Variants in NXN observed in about 807,000 individuals in gnomAD.
NXN encodes nucleoredoxin, also known as nucleoredoxin 1.
A neutral mutation model predicts 48.6 loss-of-function variants in NXN; 16 were observed. That is an observed-to-expected ratio of 0.33 (90% confidence interval 0.22 to 0.50). The LOEUF is 0.50. NXN is among the 20% of genes least tolerant of loss of function. NXN has a pLI of 0.98. For synonymous variants in NXN, 281 were observed against 269.6 expected (o/e 1.04, Z -0.41); for missense variants, 492 against 605.5 (o/e 0.81, Z 1.97).
chr17:815,396 C>T (rs1912409949), intron 5 of NXN, among the ~76,000 whole-genome samples: 1 of 151,662 alleles, frequency 6.6e-6, no homozygotes, highest in Admixed American at 6.6e-5. Context: ...GTTCAGCTGA[C>T]ACCCATCCGT....
intron 4 of NXN, among the ~76,000 whole-genome samples, chr17:821,807 G>A (rs997192456): frequency 2.6e-5 from 4 of 151,966 alleles, no homozygotes; most frequent in Non-Finnish European, 4.4e-5. Context: ...GATTACATTC[G>A]TCTCTGGCTC....
chr17:930,045 C>A (rs1442414851), intron 1 of NXN: 1 of 151,592 alleles, frequency 6.6e-6, no homozygotes, highest in Non-Finnish European at 1.5e-5. Context: ...GAAGAAAGTT[C>A]CAGAATGACA....
At chr17:922,155 G>A (rs759735836) in intron 1 of NXN, among the ~76,000 whole-genome samples, 5 of 152,158 alleles carry the variant, frequency 3.3e-5, no homozygotes, top group Non-Finnish European at 1.5e-5. Context: ...AAAGCTGTAA[G>A]AATTGGCCAG....
intron 1 of NXN, among the ~76,000 whole-genome samples, chr17:851,540 C>T (rs1461973781): frequency 2.6e-5 from 4 of 152,212 alleles, no homozygotes; most frequent in African/African-American, 9.6e-5. Flanking sequence ...GCTACTTCCG[C>T]TGCACACTGG....
At chr17:884,031 A>G (rs975124822) in intron 1 of NXN, among the ~76,000 whole-genome samples, 1 of 152,086 alleles carries the variant, frequency 6.6e-6, no homozygotes, top group African/African-American at 2.4e-5. Flanking sequence ...ATCCTGGCTA[A>G]CATGGTGAAA....
intron 1 of NXN, among the ~76,000 whole-genome samples, chr17:954,813 GGCCTAGACT>G (rs1346291274): frequency 1.3e-5 from 2 of 152,234 alleles, no homozygotes; most frequent in Non-Finnish European, 2.9e-5. Flanking sequence ...GGGCCGCATC[GGCCTAGACT>G]CCCAGATTGA....
At chr17:903,697 T>C (rs1330202262) in intron 1 of NXN, among the ~76,000 whole-genome samples, 1 of 152,248 alleles carries the variant, frequency 6.6e-6, no homozygotes, top group Non-Finnish European at 1.5e-5. Flanking sequence ...CTACAAGTTC[T>C]ATACATATGG....
At chr17:938,282 G>A (rs776601831) in intron 1 of NXN, among the ~76,000 whole-genome samples, 1 of 152,240 alleles carries the variant, frequency 6.6e-6, no homozygotes, top group Non-Finnish European at 1.5e-5. Context: ...GGCCCAGGTC[G>A]GCGGTTAGAT....
At chr17:840,401 G>A (rs1418708036) in intron 1 of NXN, among the ~76,000 whole-genome samples, 1 of 151,854 alleles carries the variant, frequency 6.6e-6, no homozygotes, top group Non-Finnish European at 1.5e-5. Flanking sequence ...GTGAAGTGGC[G>A]CCATCTCGGC....
At chr17:936,125 C>T (rs1299073872) in intron 1 of NXN, among the ~76,000 whole-genome samples, 3 of 151,034 alleles carry the variant, frequency 2.0e-5, no homozygotes, top group Admixed American at 6.6e-5. Flanking sequence ...CCAGCTCCTG[C>T]TTGTGCTTCC....
chr17:900,169 G>A (rs1413631709), intron 1 of NXN, among the ~76,000 whole-genome samples: 3 of 151,930 alleles, frequency 2.0e-5, no homozygotes, highest in Non-Finnish European at 4.4e-5. Flanking sequence ...GGAGGCTGAG[G>A]CAGGAGAATC....
intron 1 of NXN, among the ~76,000 whole-genome samples, chr17:855,033 T>C (rs1249473657): frequency 6.6e-6 from 1 of 151,990 alleles, no homozygotes; most frequent in African/African-American, 2.4e-5. Flanking sequence ...TACAAGCACT[T>C]TGGGAGGCCA....
In NXN at chr17:978,065, A is replaced by C. The variant is rs1353340929; in HGVS notation, c.360+1254T>G. Among the ~76,000 whole-genome samples, 1 of 152,182 alleles carries C rather than the reference A, an allele frequency of 6.6e-6. No individual in the cohort carries two copies. The highest frequency in any genetic ancestry group is 1.9e-4 in the East Asian group (1 of 5,192). ...CTCAAGACATTTGGGGTCACAGTGT[A>C]AGCCTTTTGCTCCCAGTAAATCTAA... On this transcript the variant is annotated intron_variant, in intron 1 of 7. Coordinates refer to ENST00000336868, the MANE Select transcript of NXN (RefSeq NM_022463.5). The surrounding 1 kb of genome is among the most constrained non-coding windows in gnomAD (Gnocchi z 4.1).
intron 1 of NXN, among the ~76,000 whole-genome samples, chr17:888,780 C>A (rs1010128034): frequency 6.6e-6 from 1 of 151,644 alleles, no homozygotes; most frequent in Non-Finnish European, 1.5e-5. Flanking sequence ...CATGGAGAAA[C>A]CCCGTCTCTA....
At chr17:808,650 T>C (rs1375333848) in intron 5 of NXN, among the ~76,000 whole-genome samples, 1 of 150,560 alleles carries the variant, frequency 6.6e-6, no homozygotes, top group African/African-American at 2.5e-5. Context: ...AAGTATTCTA[T>C]AAGTATTGGC....
At chr17:845,342 A>G (rs954059219) in intron 1 of NXN, among the ~76,000 whole-genome samples, 5 of 150,532 alleles carry the variant, frequency 3.3e-5, no homozygotes, top group Non-Finnish European at 7.4e-5. Context: ...CTCAACATCC[A>G]AGAGAGAATT....
chr17:929,602 A>G (rs1054079777), intron 1 of NXN: 1 of 152,182 alleles, frequency 6.6e-6, no homozygotes, highest in Non-Finnish European at 1.5e-5. Flanking sequence ...AGGAACTAAA[A>G]CCGGGATTTC....
chr17:827,689 G>A lies in NXN; in HGVS notation c.361-1611C>T, dbSNP rs561285793. 3.9e-5 allele frequency among the ~76,000 whole-genome samples: 6 copies of A among 152,350 alleles called. No individual in the cohort carries two copies. In the South Asian group the frequency reaches 1.0e-3, roughly 26 times the overall value. On this transcript the variant is annotated intron_variant, in intron 1 of 7. Coordinates refer to ENST00000336868, the MANE Select transcript of NXN (RefSeq NM_022463.5). ...TTCCTCCAGAAAAGACAGAAGCAGG[G>A]AAGCTGCAGAGTGCCCCACTGTTTA...
chr17:946,295 A>T (rs1254843909), intron 1 of NXN, among the ~76,000 whole-genome samples: 1 of 151,934 alleles, frequency 6.6e-6, no homozygotes, highest in Non-Finnish European at 1.5e-5. Context: ...CAGCCTCCTG[A>T]GTAGCTGGGA....
Sources: gnomAD v4.1 joint callset for allele counts (sites outside exome capture counted in the v4.1 genomes callset) on GRCh38, gnomAD v4.1.1 for gene constraint, Gnocchi (gnomAD v3.1) non-coding constraint, MANE v1.5 for transcripts, NCBI Gene and HGNC (gene_info 2026-07-23, HGNC 2026-07-21) for gene names.